Variants in SERPINF1 observed in about 807,000 individuals in gnomAD.
SERPINF1 encodes pigment epithelium-derived factor.
A neutral mutation model predicts 37.3 loss-of-function variants in SERPINF1; 29 were observed. The observed-to-expected ratio is 0.78, with a 90% CI of 0.58 to 1.06. The LOEUF is 1.06. SERPINF1 is among the 50% of genes least tolerant of loss of function. The pLI, the probability that SERPINF1 is intolerant of heterozygous loss-of-function variation, is 0.00. For synonymous variants in SERPINF1, 281 were observed against 227.9 expected, an observed-to-expected ratio of 1.23 and a Z score of -2.10; for missense variants, 553 against 532.2, an observed-to-expected ratio of 1.04 and a Z score of -0.38.
In SERPINF1 at chr17:1,767,405, G is replaced by T. The variant is rs373678226; in HGVS notation, c.84+411G>T. 1.2e-4 allele frequency among the ~76,000 whole-genome samples: 19 copies of T among 152,284 alleles called. 1 individual carries two copies. The East Asian group carries it at 3.7e-3, about 29-fold the overall frequency. On this transcript the variant is annotated intron_variant, in intron 2 of 7. Coordinates refer to ENST00000254722, the MANE Select transcript of SERPINF1 (RefSeq NM_002615.7). ...GATTCTCCTGCCTCGGCCTCCCAAA[G>T]TGCCGGGATGACAGGTGTGAGCCAC...
At chr17:1,762,973 TTCCG>T (rs1166942808) in intron 1 of SERPINF1, 3 of 152,320 alleles carry the variant, frequency 2.0e-5, no homozygotes, top group African/African-American at 7.2e-5. Context: ...AGCCCCCAGG[TTCCG>T]TGGGGTTGGA....
chr17:1,775,497 A>AT (rs1293178245), intron 6 of SERPINF1, among the ~76,000 whole-genome samples: 1 of 151,452 alleles, frequency 6.6e-6, no homozygotes, highest in Non-Finnish European at 1.5e-5. Context: ...TATTTCTAGA[A>AT]TTTAAAGCCA....
chr17:1,768,806 TTTAC>T (rs1158071534), intron 2 of SERPINF1, among the ~76,000 whole-genome samples: 7 of 151,568 alleles, frequency 4.6e-5, no homozygotes, highest in East Asian at 2.0e-4. Context: ...TTTATTTTTA[TTTAC>T]TTATTTATTT....
At chr17:1,775,024 T>C in intron 5 of SERPINF1, 34 bp from the exon 6 acceptor site, 1 of 1,613,974 alleles carries the variant, frequency 6.2e-7, no homozygotes, top group Non-Finnish European at 8.5e-7. Context: ...TCTGGTCTCC[T>C]GGGGCTCAGA....
In SERPINF1 at chr17:1,777,378, G is replaced by C. The variant is rs9809; in HGVS notation, c.1189G>C (p.Val397Leu). ...TCACCTTAACCAGCCTTTCATCTTCGTACTGAGGGACACAGACACAGGGGC... is the reference window on the plus strand; with the variant it reads ...TCACCTTAACCAGCCTTTCATCTTCCTACTGAGGGACACAGACACAGGGGC... ...DYHLNQPFIF[V>L]LRDTDTGALL... is the part of the protein sequence containing the mutation. Residue 397 changes from valine (V) to leucine (L), a missense_variant, in exon 8 of 8, where the codon GTA becomes CTA. Transcript: ENST00000254722. 1 of 1,613,894 alleles carries C rather than the reference G, an allele frequency of 6.2e-7. No individual in the cohort carries two copies. The highest frequency in any genetic ancestry group is 1.3e-5 in the African/African-American group (1 of 74,858).
intron 5 of SERPINF1, among the ~76,000 whole-genome samples, chr17:1,772,805 C>T (rs557957481): frequency 1.1e-4 from 16 of 152,038 alleles, no homozygotes; most frequent in African/African-American, 3.6e-4. Context: ...CTCAGCCTCC[C>T]AAAGTGCTGG....
intron 3 of SERPINF1, 95 bp downstream of exon 3, chr17:1,770,145 A>G: frequency 7.2e-7 from 1 of 1,396,012 alleles, no homozygotes; most frequent in East Asian, 2.4e-5. Flanking sequence ...ATTTCAGTTC[A>G]GCGAGGGGTG....
In SERPINF1 at chr17:1,766,920, C is replaced by G. The variant is rs765889034; in HGVS notation, c.10C>G (p.Leu4Val). 2.6e-6 allele frequency: 4 copies of G among 1,562,200 alleles called. No homozygotes were observed. The highest frequency in any genetic ancestry group is 3.5e-6 in the Non-Finnish European group (4 of 1,153,148). Residue 4 changes from leucine (L) to valine (V), a missense_variant, in exon 2 of 8, where the codon CTG becomes GTG. Transcript: ENST00000254722. ...TCTTGCAGGCCCCAGGATGCAGGCC[C>G]TGGTGCTACTCCTCTGCATTGGAGC... MQA[L>V]VLLLCIGALL...
chr17:1,766,076 C>T (rs566052323), intron 1 of SERPINF1, among the ~76,000 whole-genome samples: 36 of 152,014 alleles, frequency 2.4e-4, no homozygotes, highest in Non-Finnish European at 4.4e-4. Flanking sequence ...GCTTGGTATC[C>T]GGTGATTCCA....
chr17:1,771,301 T>C, intron 4 of SERPINF1, 117 bp downstream of exon 4: 3 of 1,095,302 alleles, frequency 2.7e-6, no homozygotes, highest in East Asian at 2.7e-5. Flanking sequence ...CAGGCTGGAG[T>C]GCAGTGGCGT....
In SERPINF1 at chr17:1,770,037, G is replaced by A. The variant is rs1406128052; in HGVS notation, c.270G>A (p.Ser90=). Reference sequence around the variant, plus strand: ...CTCTCAGTGTGGCCACGGCCCTCTCGGCCCTCTCGCTGGGTGAGTGCTCAG... The same window carrying A: ...CTCTCAGTGTGGCCACGGCCCTCTCAGCCCTCTCGCTGGGTGAGTGCTCAG... ...LSPLSVATAL[S]ALSLGAEQRT... Residue 90 remains serine (S), a synonymous_variant, in exon 3 of 8, where the codon TCG becomes TCA. Transcript: ENST00000254722. 3 of 1,614,040 alleles carry A rather than the reference G, an allele frequency of 1.9e-6. No individual in the cohort carries two copies. Among genetic ancestry groups the A allele is most frequent in the Non-Finnish European group, 2.5e-6 (3 of 1,180,034 alleles).
At chr17:1,769,780 C>T (rs1036194913) in intron 2 of SERPINF1, 72 bp from the exon 3 acceptor site, 20 of 1,534,552 alleles carry the variant, frequency 1.3e-5, no homozygotes, top group East Asian at 1.1e-4. Flanking sequence ...TACACAAAGC[C>T]GTGAGGAGAC....
intron 3 of SERPINF1, 67 bp from the exon 4 acceptor site, chr17:1,770,962 C>A: frequency 6.3e-7 from 1 of 1,598,776 alleles, no homozygotes; most frequent in South Asian, 1.1e-5. Flanking sequence ...TGTCTGTGTT[C>A]TGGGAGGGGG....
intron 5 of SERPINF1, among the ~76,000 whole-genome samples, chr17:1,773,785 C>G (rs868626133): frequency 2.0e-5 from 3 of 152,080 alleles, no homozygotes; most frequent in African/African-American, 7.2e-5. Context: ...GCTTGTTCCA[C>G]GGGTCTTGTG....
In SERPINF1 at chr17:1,771,125, A is replaced by G; in HGVS notation, c.380A>G (p.Asp127Gly). The G allele has an allele frequency of 6.2e-7, 1 of 1,614,098 alleles. No homozygotes were observed. Among genetic ancestry groups the G allele is most frequent in the Non-Finnish European group, 8.5e-7 (1 of 1,180,002 alleles). The change falls in exon 4 of 8, where the codon GAC becomes GGC. Residue 127 changes from aspartate (D) to glycine (G), a missense_variant. Physicochemically the swap from Asp to Gly is moderately conservative, Grantham distance 94 (BLOSUM62 -1). Coordinates refer to ENST00000254722, the MANE Select transcript of SERPINF1 (RefSeq NM_002615.7). ...CATGGTACCTATAAGGAGCTCCTTG[A>G]CACGGTCACTGCCCCCCAGAAGAAC... is the stretch of plus-strand genomic sequence containing the variant. ...DIHGTYKELLDTVTAPQKNLK... is the reference protein window; with the variant it reads ...DIHGTYKELLGTVTAPQKNLK...
At chr17:1,771,834 G>A (rs965990012) in intron 4 of SERPINF1, 38 bp from the exon 5 acceptor site, 6 of 1,596,880 alleles carry the variant, frequency 3.8e-6, no homozygotes, top group Non-Finnish European at 5.1e-6. Context: ...GCTTGTCGTC[G>A]AGTCTCATAC....
rs1318051823 is a variant in SERPINF1 at position 1,777,523 on chromosome 17, CT to C, written c.*78del. The C allele has an allele frequency of 1.1e-5, 17 of 1,588,650 alleles. No individual in the cohort carries two copies. In the African/African-American group the frequency reaches 1.9e-4, roughly 18 times the overall value. The stretch of plus-strand genomic sequence containing the variant: ...ATTCCACAGGACACGAAGGCTGCCC[CT>C]GTAAGGTTTCAATGCATACAATAAA... On this transcript the variant is annotated 3_prime_UTR_variant, in exon 8 of 8. Transcript: ENST00000254722.
At chr17:1,774,937 C>A in intron 5 of SERPINF1, 121 bp from the exon 6 acceptor site, 3 of 1,230,764 alleles carry the variant, frequency 2.4e-6, no homozygotes, top group Non-Finnish European at 3.6e-6. Flanking sequence ...GCCTCAGAGC[C>A]CCTGACAGCT....
At chr17:1,762,457 A>G (rs1321122125) in intron 1 of SERPINF1, among the ~76,000 whole-genome samples, 1 of 152,160 alleles carries the variant, frequency 6.6e-6, no homozygotes. Context: ...GTCGGGTCTG[A>G]GCAGCACCCC....
Sources: allele counts gnomAD v4.1 joint callset (sites outside exome capture counted in the v4.1 genomes callset), GRCh38; gene constraint gnomAD v4.1.1; transcripts MANE v1.5; gene names NCBI Gene and HGNC (gene_info 2026-07-23, HGNC 2026-07-21).